Variants in C1orf21 observed in about 807,000 individuals in gnomAD.
C1orf21 encodes the protein chromosome 1 open reading frame 21, also known as uncharacterized protein C1orf21.
In C1orf21, 3 loss-of-function variants were observed where a neutral mutation model predicts 18.7. The observed-to-expected ratio is 0.16, with a 90% CI of 0.07 to 0.42. The LOEUF (loss-of-function observed/expected upper bound fraction) is 0.42, where lower values mean the gene tolerates loss of function less well. C1orf21 is among the 10% of genes least tolerant of loss of function. The pLI is 0.99. For synonymous variants in C1orf21, 41 were observed against 46.4 expected (o/e 0.88, Z 0.47); for missense variants, 104 against 143.6 (o/e 0.72, Z 1.41).
At position 184,465,630 on chromosome 1, in the gene C1orf21, T is replaced by G. The variant is rs146096287; in HGVS notation, c.-124-11756T>G. Among the ~76,000 whole-genome samples the G allele has an allele frequency of 1.7e-4, 26 of 152,154 alleles. No homozygotes were observed. The East Asian group carries it at 4.8e-3, about 28-fold the overall frequency. On this transcript the variant is annotated intron_variant, in intron 1 of 5. Coordinates refer to ENST00000235307, the MANE Select transcript of C1orf21 (RefSeq NM_030806.4). ...GATATCATCCCAGATTCAAGAAAAA[T>G]AAGCAGTTTGCCAGCTGTACCTTTG...
chr1:184,504,280 G>T (rs10911604), intron 2 of C1orf21, among the ~76,000 whole-genome samples: 25,267 of 152,022 alleles, frequency 0.17, 2,420 homozygotes, highest in Admixed American at 0.29. Context: ...CAAGGAAGCT[G>T]GGGGGAGCCG....
At chr1:184,431,844 C>G (rs1438528793) in intron 1 of C1orf21, among the ~76,000 whole-genome samples, 1 of 151,930 alleles carries the variant, frequency 6.6e-6, no homozygotes, top group Non-Finnish European at 1.5e-5. Context: ...AACAAACAAC[C>G]TCATCAAAAA....
intron 1 of C1orf21, among the ~76,000 whole-genome samples, chr1:184,453,512 A>G (rs1657153380): frequency 6.6e-6 from 1 of 152,202 alleles, no homozygotes; most frequent in African/African-American, 2.4e-5. Flanking sequence ...CAATGTAAAC[A>G]TTGATCTGCG....
intron 3 of C1orf21, among the ~76,000 whole-genome samples, chr1:184,535,893 C>T (rs1658542912): frequency 6.7e-6 from 1 of 149,800 alleles, no homozygotes; most frequent in Admixed American, 6.6e-5. Flanking sequence ...TTTCCATTTG[C>T]TTTATACTCT....
intron 1 of C1orf21, among the ~76,000 whole-genome samples, chr1:184,414,964 A>C (rs1046994099): frequency 2.6e-5 from 4 of 152,222 alleles, no homozygotes; most frequent in Non-Finnish European, 5.9e-5. Context: ...TGTTAGAGGT[A>C]CGTGTGATGA....
At chr1:184,603,168 C>T (rs78906290) in intron 5 of C1orf21, among the ~76,000 whole-genome samples, 4,408 of 152,294 alleles carry the variant, frequency 0.029, 89 homozygotes, top group South Asian at 0.068. Flanking sequence ...GGTGTGCTTC[C>T]GTCAGATCCA....
intron 3 of C1orf21, among the ~76,000 whole-genome samples, chr1:184,515,861 C>T (rs1449359496): frequency 6.6e-6 from 1 of 152,038 alleles, no homozygotes; most frequent in African/African-American, 2.4e-5. Flanking sequence ...TCCCCCAGGC[C>T]GGAGTGCAAT....
In C1orf21 at chr1:184,503,673, A is replaced by G. The variant is rs1436541781; in HGVS notation, c.95-3915A>G. On this transcript the variant is annotated intron_variant, in intron 2 of 5. Coordinates refer to ENST00000235307, the MANE Select transcript of C1orf21 (RefSeq NM_030806.4). ...TTCTCTGCTCTTTAATTCCTCTCCA[A>G]CAAACTTGTGTTCAACCCAATAAAG... Among the ~76,000 whole-genome samples the G allele has an allele frequency of 2.6e-5, 4 of 152,054 alleles. No individual in the cohort carries two copies. In the South Asian group the frequency reaches 6.2e-4, roughly 24 times the overall value.
intron 1 of C1orf21, among the ~76,000 whole-genome samples, chr1:184,389,555 A>G (rs1262042400): frequency 6.6e-6 from 1 of 152,216 alleles, no homozygotes; most frequent in African/African-American, 2.4e-5. Context: ...GAAGAATCAC[A>G]GGGCATCATT....
At chr1:184,473,539 T>C (rs1219764932) in intron 1 of C1orf21, among the ~76,000 whole-genome samples, 2 of 152,220 alleles carry the variant, frequency 1.3e-5, no homozygotes, top group African/African-American at 4.8e-5. Flanking sequence ...CAGATGATTC[T>C]AGCGGTCTTT....
At chr1:184,589,603 A>G (rs769735624) in intron 3 of C1orf21, among the ~76,000 whole-genome samples, 2 of 152,258 alleles carry the variant, frequency 1.3e-5, no homozygotes, top group East Asian at 1.9e-4. Flanking sequence ...TGAAGTTAGT[A>G]TAAGGTAAAG....
chr1:184,522,646 C>G (rs1429505846), intron 3 of C1orf21, among the ~76,000 whole-genome samples: 2 of 152,070 alleles, frequency 1.3e-5, no homozygotes, highest in African/African-American at 4.8e-5. Context: ...TTAGATTACA[C>G]TATTAATCTA....
At chr1:184,614,611 T>C (rs1659790481) in intron 5 of C1orf21, among the ~76,000 whole-genome samples, 1 of 152,170 alleles carries the variant, frequency 6.6e-6, no homozygotes, top group South Asian at 2.1e-4. Context: ...TCAGGATGAT[T>C]CAAGCACATT....
chr1:184,461,184 G>A (rs373155373), intron 1 of C1orf21, among the ~76,000 whole-genome samples: 1 of 152,138 alleles, frequency 6.6e-6, no homozygotes, highest in African/African-American at 2.4e-5. Context: ...CTGTTCTCAT[G>A]CCAGTTGGAC....
In C1orf21 at chr1:184,507,657, T is replaced by C; in HGVS notation, c.164T>C (p.Ile55Thr). 6.2e-7 allele frequency: 1 copy of C among 1,603,274 alleles called. No individual in the cohort carries two copies. The highest frequency in any genetic ancestry group is 8.5e-7 in the Non-Finnish European group (1 of 1,176,134). ...AATGGGGCAGAAGAAGAGCAGAAAA[T>C]AGCAGCCAGGAACCAAGAAAACTTG... ...MKNGAEEEQK[I>T]AARNQENLEK... The change falls in exon 3 of 6, where the codon ATA becomes ACA. Residue 55 changes from isoleucine to threonine, a missense_variant. Coordinates refer to ENST00000235307, the MANE Select transcript of C1orf21 (RefSeq NM_030806.4).
At position 184,627,221 on chromosome 1, in the gene C1orf21, T is replaced by G. The variant is rs891918217; in HGVS notation, c.*7665T>G. ...AGGGAAGGCTCAGAGACAAGCAGAA[T>G]CTCTCTATGGAGACAACTTGCAGTG... On this transcript the variant is annotated 3_prime_UTR_variant, in exon 6 of 6. Coordinates refer to ENST00000235307, the MANE Select transcript of C1orf21 (RefSeq NM_030806.4). 1 of 152,156 alleles carries G rather than the reference T, an allele frequency of 6.6e-6. No homozygotes were observed. Among genetic ancestry groups the G allele is most frequent in the African/African-American group, 2.4e-5 (1 of 41,386 alleles). The allele number at this position is 152,156 out of a possible 1,614,324, so 9.4% of individuals were successfully genotyped here.
intron 3 of C1orf21, among the ~76,000 whole-genome samples, chr1:184,538,267 T>C (rs1274666416): frequency 6.6e-6 from 1 of 152,236 alleles, no homozygotes; most frequent in African/African-American, 2.4e-5. Context: ...ATATCTTCTT[T>C]GGAGAAATGT....
At chr1:184,446,438 A>G (rs1335590969) in intron 1 of C1orf21, among the ~76,000 whole-genome samples, 2 of 152,158 alleles carry the variant, frequency 1.3e-5, no homozygotes, top group African/African-American at 4.8e-5. Context: ...AACACTCCCT[A>G]TAAATTATTC....
rs957363103 is a variant in C1orf21, at chr1:184,627,162, G to T, written c.*7606G>T. On this transcript the variant is annotated 3_prime_UTR_variant, in exon 6 of 6. Transcript: ENST00000235307. ...GGGAAGACCTCGTGGGTACCTGGAG[G>T]CTGCCAGAGCTGGGAGCTCTGCAGG... 7 of 152,520 alleles carry T rather than the reference G, an allele frequency of 4.6e-5. No individual in the cohort carries two copies. The highest frequency in any genetic ancestry group is 1.3e-4 in the Admixed American group (2 of 15,270). 9.4% of individuals were successfully genotyped at this position (152,520 alleles called of 1,614,324 possible). A position where few individuals can be genotyped will look rare whatever the true frequency, so the allele number is the denominator to read the frequency against.
Sources: gnomAD v4.1 joint callset for allele counts (sites outside exome capture counted in the v4.1 genomes callset) on GRCh38, gnomAD v4.1.1 for gene constraint, MANE v1.5 for transcripts, NCBI Gene and HGNC (gene_info 2026-07-23, HGNC 2026-07-21) for gene names.